LRMDA: variants seen among roughly 807,000 people sequenced by gnomAD.
LRMDA encodes the protein leucine-rich melanocyte differentiation-associated protein.
Under a neutral mutation model 29.8 loss-of-function variants are expected in LRMDA, and 18 were observed. The observed-to-expected ratio is 0.60, with a 90% CI of 0.42 to 0.90. The LOEUF is 0.90. LRMDA is among the 40% of genes least tolerant of loss of function. LRMDA has a pLI of 0.00. For synonymous variants in LRMDA, 125 were observed against 109.4 expected (o/e 1.14, Z -0.89); for missense variants, 273 against 273.9 (o/e 1.00, Z 0.02).
At chr10:75,557,182 C>T (rs990804554) in intron 2 of LRMDA, among the ~76,000 whole-genome samples, 6 of 151,572 alleles carry the variant, frequency 4.0e-5, no homozygotes, top group South Asian at 2.1e-4. Context: ...GGTGTGGTGG[C>T]GGGTGTCTGT....
At chr10:76,484,264 C>A (rs1842760628) in intron 6 of LRMDA, among the ~76,000 whole-genome samples, 1 of 151,594 alleles carries the variant, frequency 6.6e-6, no homozygotes, top group Non-Finnish European at 1.5e-5. Flanking sequence ...TTCTTCTTTT[C>A]CTCCAATTTT....
At chr10:76,042,640 C>T (rs1848360149) in intron 3 of LRMDA, among the ~76,000 whole-genome samples, 1 of 152,028 alleles carries the variant, frequency 6.6e-6, no homozygotes, top group South Asian at 2.1e-4. Context: ...GTCAAAATAC[C>T]TAGAAAAGTA....
chr10:75,608,193 A>G (rs751585289), intron 2 of LRMDA, among the ~76,000 whole-genome samples: 14 of 151,026 alleles, frequency 9.3e-5, no homozygotes, highest in Non-Finnish European at 1.8e-4. Flanking sequence ...TGCCATTTGC[A>G]ACATGGATGA....
chr10:75,892,296 GA>G (rs747397788), intron 2 of LRMDA, among the ~76,000 whole-genome samples: 45 of 152,164 alleles, frequency 3.0e-4, no homozygotes, highest in Non-Finnish European at 6.2e-4. Context: ...GCACACTAGG[GA>G]AACCTGGACT....
intron 2 of LRMDA, among the ~76,000 whole-genome samples, chr10:75,686,101 C>T (rs926482795): frequency 2.0e-5 from 3 of 152,148 alleles, no homozygotes; most frequent in Admixed American, 6.5e-5. Flanking sequence ...TGCAAAGAAA[C>T]ATTCTCTGCT....
At chr10:75,682,433 G>GT (rs1198257461) in intron 2 of LRMDA, among the ~76,000 whole-genome samples, 26 of 94,284 alleles carry the variant, frequency 2.8e-4, no homozygotes, top group East Asian at 2.3e-3. Flanking sequence ...GTGTGTGTGG[G>GT]GGTGTGTGTG....
chr10:76,472,603 A>C (rs1016965121), intron 6 of LRMDA, among the ~76,000 whole-genome samples: 1 of 151,624 alleles, frequency 6.6e-6, no homozygotes, highest in African/African-American at 2.4e-5. Flanking sequence ...TAATAAACCC[A>C]AAAGTTTTTC....
intron 5 of LRMDA, among the ~76,000 whole-genome samples, chr10:76,265,121 ACT>A (rs2132313915): frequency 6.6e-6 from 1 of 152,152 alleles, no homozygotes; most frequent in Non-Finnish European, 1.5e-5. Context: ...GCACAGGGGC[ACT>A]CTCTGTGACT....
intron 3 of LRMDA, among the ~76,000 whole-genome samples, chr10:76,045,331 C>A (rs1262556768): frequency 6.9e-6 from 1 of 145,238 alleles, no homozygotes; most frequent in African/African-American, 2.6e-5. Flanking sequence ...TAGTTTCCCC[C>A]TCTTGTTAGT....
At chr10:76,340,719 A>G (rs1308310519) in intron 6 of LRMDA, among the ~76,000 whole-genome samples, 1 of 152,060 alleles carries the variant, frequency 6.6e-6, no homozygotes. Flanking sequence ...CAAGCAGAGA[A>G]GGACTATTCT....
At chr10:76,540,058 A>G (rs1209186434) in intron 6 of LRMDA, among the ~76,000 whole-genome samples, 1 of 152,134 alleles carries the variant, frequency 6.6e-6, no homozygotes, top group African/African-American at 2.4e-5. Flanking sequence ...AAGTAGACAC[A>G]CAACATGTAG....
At chr10:76,264,926 CACAG>C (rs1229559718) in intron 5 of LRMDA, among the ~76,000 whole-genome samples, 2 of 152,184 alleles carry the variant, frequency 1.3e-5, no homozygotes, top group Admixed American at 1.3e-4. Context: ...ACTGAGGTAT[CACAG>C]ACAGACATTC....
At chr10:76,379,996 A>G (rs1841569727) in intron 6 of LRMDA, among the ~76,000 whole-genome samples, 1 of 152,170 alleles carries the variant, frequency 6.6e-6, no homozygotes, top group Non-Finnish European at 1.5e-5. Context: ...AAGTTGTTTC[A>G]TTTCCACATA....
chr10:76,125,149 G>T (rs1298275461), intron 5 of LRMDA, among the ~76,000 whole-genome samples: 1 of 152,168 alleles, frequency 6.6e-6, no homozygotes, highest in Non-Finnish European at 1.5e-5. Context: ...TATTTCTCTT[G>T]TTCCCTCCTC....
At chr10:76,079,895 G>A in intron 5 of LRMDA, among the ~76,000 whole-genome samples, 1 of 152,152 alleles carries the variant, frequency 6.6e-6, no homozygotes, top group East Asian at 1.9e-4. Context: ...TACCTGCCAG[G>A]AATTTGGTAA....
At chr10:76,076,795 A>G (rs547835951) in intron 5 of LRMDA, among the ~76,000 whole-genome samples, 1 of 152,244 alleles carries the variant, frequency 6.6e-6, no homozygotes, top group South Asian at 2.1e-4. Context: ...GAAGCACAAA[A>G]TGGAAATGGC....
At chr10:76,363,123 AAGAAAGAAAG>A (rs1386464349) in intron 6 of LRMDA, among the ~76,000 whole-genome samples, 2 of 18,518 alleles carry the variant, frequency 1.1e-4, no homozygotes, top group South Asian at 1.9e-3. Flanking sequence ...TAAGGAAAGA[AAGAAAGAAAG>A]AAAGAAAGAA....
intron 2 of LRMDA, among the ~76,000 whole-genome samples, chr10:75,929,174 A>C (rs1166797214): frequency 6.6e-6 from 1 of 152,148 alleles, no homozygotes; most frequent in African/African-American, 2.4e-5. Flanking sequence ...ATACAGCACA[A>C]GGTAGGGTGT....
chr10:75,538,160 T>C (rs1839974318), intron 2 of LRMDA, among the ~76,000 whole-genome samples: 1 of 152,176 alleles, frequency 6.6e-6, no homozygotes, highest in Non-Finnish European at 1.5e-5. Flanking sequence ...TCATCAGATA[T>C]AAAGCAGATA....
Sources: gnomAD v4.1 joint callset for allele counts (sites outside exome capture counted in the v4.1 genomes callset) on GRCh38, gnomAD v4.1.1 for gene constraint, MANE v1.5 for transcripts, NCBI Gene and HGNC (gene_info 2026-07-23, HGNC 2026-07-21) for gene names.